ADGRB3: variants seen among roughly 807,000 people sequenced by gnomAD.
The protein encoded by ADGRB3 is adhesion G protein-coupled receptor B3.
A neutral mutation model predicts 193.4 loss-of-function variants in ADGRB3; 37 were observed. That is an observed-to-expected ratio of 0.19 (90% CI 0.15 to 0.25). ADGRB3 has a LOEUF of 0.25. Among genes scored for constraint, ADGRB3 ranks in the 10% least tolerant of loss-of-function variants. The pLI is 1.00. For missense variants in ADGRB3, 1,637 were observed against 1,852.9 expected (o/e 0.88, Z 2.14); for synonymous variants, 690 against 644.2 (o/e 1.07, Z -1.08).
At chr6:68,785,657 T>A (rs553342512) in intron 3 of ADGRB3, among the ~76,000 whole-genome samples, 1 of 152,280 alleles carries the variant, frequency 6.6e-6, no homozygotes, top group Non-Finnish European at 1.5e-5. Context: ...TTTATAATCC[T>A]TTGTGTATAT....
chr6:68,811,879 A>T (rs1354021743), intron 3 of ADGRB3, among the ~76,000 whole-genome samples: 1 of 152,188 alleles, frequency 6.6e-6, no homozygotes, highest in Non-Finnish European at 1.5e-5. Flanking sequence ...ATACATATAC[A>T]CTTATATACA....
At chr6:69,271,600 T>TGA (rs59573406) in intron 20 of ADGRB3, among the ~76,000 whole-genome samples, 7,682 of 152,288 alleles carry the variant, frequency 0.05, 227 homozygotes, top group Non-Finnish European at 0.072. Context: ...TATTCTGAAT[T>TGA]GTTTTCTATT....
chr6:68,837,986 A>AT (rs918371231), intron 3 of ADGRB3, among the ~76,000 whole-genome samples: 2 of 152,074 alleles, frequency 1.3e-5, no homozygotes, highest in Non-Finnish European at 2.9e-5. Flanking sequence ...CTGGATCTTG[A>AT]TTTTCCCACA....
At chr6:68,994,849 T>A (rs1026748951) in intron 11 of ADGRB3, among the ~76,000 whole-genome samples, 2 of 151,740 alleles carry the variant, frequency 1.3e-5, no homozygotes, top group Non-Finnish European at 2.9e-5. Flanking sequence ...GGTATTTCCC[T>A]TGGAAAATAC....
chr6:68,826,062 A>C (rs192493601), intron 3 of ADGRB3, among the ~76,000 whole-genome samples: 124 of 151,682 alleles, frequency 8.2e-4, no homozygotes, highest in African/African-American at 2.9e-3. Context: ...CAGCAGATAT[A>C]TTTTGAATAC....
intron 3 of ADGRB3, among the ~76,000 whole-genome samples, chr6:68,656,677 C>G (rs1346306602): frequency 6.6e-6 from 1 of 151,374 alleles, no homozygotes; most frequent in African/African-American, 2.4e-5. Flanking sequence ...CTCTGATATT[C>G]TGTTAGGAAA....
chr6:69,130,535 T>TTGAG (rs1773978557), intron 17 of ADGRB3, among the ~76,000 whole-genome samples: 2 of 148,474 alleles, frequency 1.3e-5, no homozygotes, highest in East Asian at 4.2e-4. Context: ...GCCCCTCAAC[T>TTGAG]GGGCTTCCAA....
intron 3 of ADGRB3, among the ~76,000 whole-genome samples, chr6:68,785,160 T>G (rs1766937611): frequency 6.6e-6 from 1 of 152,034 alleles, no homozygotes; most frequent in East Asian, 1.9e-4. Flanking sequence ...TTTTTAAAAT[T>G]TTATTATTAT....
chr6:68,790,782 A>G (rs1047945677), intron 3 of ADGRB3, among the ~76,000 whole-genome samples: 2 of 152,188 alleles, frequency 1.3e-5, no homozygotes, highest in Non-Finnish European at 2.9e-5. Context: ...CCAAAAACCC[A>G]TCTGTACGTC....
chr6:69,212,566 AC>A (rs975300493), intron 17 of ADGRB3, among the ~76,000 whole-genome samples: 3 of 152,040 alleles, frequency 2.0e-5, no homozygotes, highest in Non-Finnish European at 4.4e-5. Flanking sequence ...CTGAAACATG[AC>A]CTTTTCTTTT....
At chr6:68,944,058 A>G in intron 6 of ADGRB3, 64 bp downstream of exon 6, 1 of 1,481,988 alleles carries the variant, frequency 6.7e-7, no homozygotes, top group Non-Finnish European at 9.2e-7. Context: ...CCTAGTGTAC[A>G]CAAGAAATAT....
intron 2 of ADGRB3, 140 bp from the exon 3 acceptor site, chr6:68,638,521 A>G (rs540961111): frequency 2.3e-6 from 2 of 853,162 alleles, no homozygotes; most frequent in Non-Finnish European, 3.5e-6. Flanking sequence ...GTGTTATAAA[A>G]TAAAAATTAC....
intron 11 of ADGRB3, among the ~76,000 whole-genome samples, chr6:69,001,656 T>C (rs1047534772): frequency 6.6e-6 from 1 of 152,010 alleles, no homozygotes; most frequent in Non-Finnish European, 1.5e-5. Context: ...CAGTTTAGAT[T>C]TGGGGGACAA....
intron 17 of ADGRB3, among the ~76,000 whole-genome samples, chr6:69,175,207 A>C (rs1775387842): frequency 6.6e-6 from 1 of 152,092 alleles, no homozygotes; most frequent in South Asian, 2.1e-4. Flanking sequence ...GTCCAGAATT[A>C]ACTCAATATG....
At chr6:68,950,624 A>G (rs1767890238) in intron 6 of ADGRB3, among the ~76,000 whole-genome samples, 1 of 152,142 alleles carries the variant, frequency 6.6e-6, no homozygotes, top group Admixed American at 6.6e-5. Context: ...AAAATGATCA[A>G]CCCTTTACCT....
intron 17 of ADGRB3, chr6:69,232,604 AGT>A: frequency 1.3e-6 from 2 of 1,535,636 alleles, no homozygotes; most frequent in South Asian, 2.4e-5. Flanking sequence ...AGCTGGACTG[AGT>A]GAAGTGTGGA....
intron 17 of ADGRB3, among the ~76,000 whole-genome samples, chr6:69,082,368 C>T (rs1276091117): frequency 6.6e-6 from 1 of 152,034 alleles, no homozygotes; most frequent in East Asian, 1.9e-4. Flanking sequence ...AATTCTCTCA[C>T]TTTTTGAAAT....
intron 17 of ADGRB3, among the ~76,000 whole-genome samples, chr6:69,174,974 T>C (rs1046792986): frequency 1.3e-5 from 2 of 152,206 alleles, no homozygotes; most frequent in African/African-American, 4.8e-5. Flanking sequence ...TTTTTGCTTG[T>C]TGAATTAAGA....
chr6:68,879,904 G>A (rs1765689090), intron 3 of ADGRB3, among the ~76,000 whole-genome samples: 1 of 137,102 alleles, frequency 7.3e-6, no homozygotes, highest in African/African-American at 2.5e-5. Flanking sequence ...CTGAACAAAT[G>A]AATCAAAGCA....
Sources: allele counts gnomAD v4.1 joint callset (sites outside exome capture counted in the v4.1 genomes callset), GRCh38; gene constraint gnomAD v4.1.1; transcripts MANE v1.5; gene names NCBI Gene and HGNC (gene_info 2026-07-23, HGNC 2026-07-21).